Variants in MLLT3 observed in about 807,000 individuals in gnomAD.
The protein encoded by MLLT3 is protein AF-9.
In MLLT3, 4 loss-of-function variants were observed where a neutral mutation model predicts 53.2. That is an observed-to-expected ratio of 0.08 (90% CI 0.04 to 0.17). MLLT3 has a LOEUF of 0.17. MLLT3 is among the 10% of genes least tolerant of loss of function. The pLI, the probability that MLLT3 is intolerant of heterozygous loss-of-function variation, is 1.00. For missense variants in MLLT3, 569 were observed against 684.0 expected, an observed-to-expected ratio of 0.83 and a Z score of 1.87; for synonymous variants, 283 against 230.6, an observed-to-expected ratio of 1.23 and a Z score of -2.06.
At chr9:20,408,541 A>C (rs192993304) in intron 5 of MLLT3, among the ~76,000 whole-genome samples, 2 of 152,332 alleles carry the variant, frequency 1.3e-5, no homozygotes, top group South Asian at 4.1e-4. Context: ...TTTTACCTCC[A>C]GTTATAAAAC....
At chr9:20,423,636 G>C (rs1823070583) in intron 4 of MLLT3, among the ~76,000 whole-genome samples, 1 of 149,306 alleles carries the variant, frequency 6.7e-6, no homozygotes, top group Non-Finnish European at 1.5e-5. Flanking sequence ...AACACAGTGA[G>C]ACCCTATCTC....
chr9:20,525,153 C>T (rs572628366), intron 2 of MLLT3, among the ~76,000 whole-genome samples: 21 of 146,058 alleles, frequency 1.4e-4, no homozygotes, highest in Non-Finnish European at 1.8e-4. Context: ...AAAACAGAGG[C>T]GTGAAAAAAG....
intron 4 of MLLT3, among the ~76,000 whole-genome samples, chr9:20,437,599 G>A (rs1475398932): frequency 3.9e-5 from 6 of 152,072 alleles, no homozygotes; most frequent in Non-Finnish European, 8.8e-5. Context: ...AAAATACAAA[G>A]GGGACGTAAG....
chr9:20,577,772 G>A (rs1224213105), intron 2 of MLLT3, among the ~76,000 whole-genome samples: 1 of 152,194 alleles, frequency 6.6e-6, no homozygotes, highest in Non-Finnish European at 1.5e-5. Flanking sequence ...GGAGAAGAGT[G>A]AACACACACA....
chr9:20,511,193 G>T (rs1300521970), intron 2 of MLLT3, among the ~76,000 whole-genome samples: 1 of 151,982 alleles, frequency 6.6e-6, no homozygotes, highest in Admixed American at 6.6e-5. Context: ...ATGTTCATAT[G>T]GAAGGATGCT....
In MLLT3 at chr9:20,451,886, AC is replaced by A. The variant is rs1342989639; in HGVS notation, c.277-3621del. On this transcript the variant is annotated intron_variant, in intron 3 of 10. Coordinates refer to ENST00000380338, the MANE Select transcript of MLLT3 (RefSeq NM_004529.4). ...CCTGTTGGTTTAGAGTTTCTGAAAC[AC>A]ACAATTCTCACAAATAGGGTTGTTT... 2.6e-5 allele frequency among the ~76,000 whole-genome samples: 4 copies of A among 152,344 alleles called. No individual in the cohort carries two copies. The East Asian group carries it at 5.8e-4, about 22-fold the overall frequency.
At chr9:20,473,826 TA>T (rs1456289017) in intron 2 of MLLT3, among the ~76,000 whole-genome samples, 1 of 152,128 alleles carries the variant, frequency 6.6e-6, no homozygotes, top group Non-Finnish European at 1.5e-5. Context: ...CTGGCTCATA[TA>T]CAACAATGAA....
At chr9:20,424,752 T>C (rs768147099) in intron 4 of MLLT3, among the ~76,000 whole-genome samples, 1 of 152,186 alleles carries the variant, frequency 6.6e-6, no homozygotes. Flanking sequence ...TGGAAACTAA[T>C]CTACTCAGCT....
At chr9:20,539,292 T>C (rs1182318570) in intron 2 of MLLT3, among the ~76,000 whole-genome samples, 2 of 152,244 alleles carry the variant, frequency 1.3e-5, no homozygotes, top group African/African-American at 2.4e-5. Context: ...TTATGCAATA[T>C]TCTAAAACAT....
intron 5 of MLLT3, among the ~76,000 whole-genome samples, chr9:20,377,239 G>T (rs1052849892): frequency 3.9e-5 from 6 of 152,134 alleles, no homozygotes; most frequent in African/African-American, 1.4e-4. Context: ...GAGATCTTGA[G>T]ATTATTGTCA....
In MLLT3 at chr9:20,346,142, T is replaced by G. The variant is rs1328428599; in HGVS notation, c.*301A>C. The stretch of plus-strand genomic sequence containing the variant: ...ACCATACACATTCTTTGAGTTTTCT[T>G]GTGTTGTGTTTGATTTGTTTGTTTT... On this transcript the variant is annotated 3_prime_UTR_variant, in exon 11 of 11. Transcript: ENST00000380338. 9.1e-6 allele frequency: 3 copies of G among 328,334 alleles called. No individual in the cohort carries two copies. The highest frequency in any genetic ancestry group is 1.7e-5 in the Non-Finnish European group (3 of 177,524). 20.3% of individuals were successfully genotyped at this position (328,334 alleles called of 1,614,324 possible).
At chr9:20,519,486 C>G (rs557980016) in intron 2 of MLLT3, among the ~76,000 whole-genome samples, 2 of 152,068 alleles carry the variant, frequency 1.3e-5, no homozygotes, top group African/African-American at 2.4e-5. Context: ...CATATATAGG[C>G]TTTTTTGACT....
intron 2 of MLLT3, among the ~76,000 whole-genome samples, chr9:20,586,998 T>C (rs1819984269): frequency 6.6e-6 from 1 of 152,142 alleles, no homozygotes; most frequent in South Asian, 2.1e-4. Context: ...TGAATTAATT[T>C]TCCTCAAACT....
At chr9:20,404,283 C>T (rs1787305354) in intron 5 of MLLT3, among the ~76,000 whole-genome samples, 1 of 152,206 alleles carries the variant, frequency 6.6e-6, no homozygotes, top group South Asian at 2.1e-4. Flanking sequence ...GGTTCCTAGA[C>T]TGCAGTTTTG....
At chr9:20,595,128 G>A (rs890655281) in intron 2 of MLLT3, among the ~76,000 whole-genome samples, 3 of 152,022 alleles carry the variant, frequency 2.0e-5, no homozygotes, top group Non-Finnish European at 4.4e-5. Context: ...AGGCCAATTC[G>A]GGAGGACTAT....
At chr9:20,371,985 T>A (rs922678775) in intron 5 of MLLT3, among the ~76,000 whole-genome samples, 1 of 152,210 alleles carries the variant, frequency 6.6e-6, no homozygotes, top group African/African-American at 2.4e-5. Context: ...AAAGCTGATT[T>A]CAACCTTCAT....
chr9:20,603,703 G>A (rs1040646583), intron 2 of MLLT3, among the ~76,000 whole-genome samples: 1 of 152,006 alleles, frequency 6.6e-6, no homozygotes, highest in Non-Finnish European at 1.5e-5. Flanking sequence ...TGGAAAGTCC[G>A]TTAGTACTCA....
chr9:20,463,385 A>C (rs990150721), intron 2 of MLLT3, among the ~76,000 whole-genome samples: 1 of 152,152 alleles, frequency 6.6e-6, no homozygotes, highest in Non-Finnish European at 1.5e-5. Context: ...GGTTAAGTCA[A>C]TACATTTCAT....
Position 20,543,937 on chromosome 9 carries a change from G to A in MLLT3, c.193+76717C>T, listed in dbSNP as rs891878817. Among the ~76,000 whole-genome samples, 3 of 134,012 alleles carry A rather than the reference G, an allele frequency of 2.2e-5. No individual in the cohort carries two copies. The Admixed American group carries it at 2.3e-4, about 10-fold the overall frequency. The allele number at this position is 134,012 out of a possible 152,430, so 87.9% of individuals were successfully genotyped here. ...CATTATCTGCAAAGCGTAATAAAGT[G>A]AAGCACAATAAAACAAGATTCCCCT... On this transcript the variant is annotated intron_variant, in intron 2 of 10. Coordinates refer to ENST00000380338, the MANE Select transcript of MLLT3 (RefSeq NM_004529.4).
Sources: allele counts gnomAD v4.1 joint callset (sites outside exome capture counted in the v4.1 genomes callset), GRCh38; gene constraint gnomAD v4.1.1; transcripts MANE v1.5; gene names NCBI Gene and HGNC (gene_info 2026-07-23, HGNC 2026-07-21).